Variants in CD99 observed in about 807,000 individuals in gnomAD.
The protein encoded by CD99 is CD99 molecule (Xg blood group).
CD99 carries 19 observed loss-of-function variants against 28.4 expected under a neutral mutation model. That is an observed-to-expected ratio of 0.67 (90% CI 0.47 to 0.98). The LOEUF (loss-of-function observed/expected upper bound fraction) is 0.98. Ranked by LOEUF, CD99 falls within the 50% of genes least tolerant of loss-of-function variation. The pLI, the probability that CD99 is intolerant of heterozygous loss-of-function variation, is 0.00. For synonymous variants in CD99, 103 were observed against 92.1 expected, an observed-to-expected ratio of 1.12 and a Z score of -0.67; for missense variants, 283 against 248.8, an observed-to-expected ratio of 1.14 and a Z score of -0.92.
intron 5 of CD99, among the ~76,000 whole-genome samples, chrX:2,722,337 T>A (rs774255473): frequency 6.6e-6 from 1 of 152,324 alleles, no homozygotes; most frequent in South Asian, 2.1e-4. Context: ...TGTTTTGTTT[T>A]GAGACTGAGT....
At chrX:2,712,634 G>A (rs2048465002) in intron 1 of CD99, among the ~76,000 whole-genome samples, 1 of 152,046 alleles carries the variant, frequency 6.6e-6, no homozygotes, top group Non-Finnish European at 1.5e-5. Context: ...GTCCTGTTGT[G>A]GAAACAGCCA....
At chrX:2,738,296 G>T in intron 9 of CD99, 40 bp downstream of exon 9, 1 of 1,594,286 alleles carries the variant, frequency 6.3e-7, no homozygotes, top group Non-Finnish European at 8.6e-7. Context: ...CACGTGGCCA[G>T]TGTTCCCATT....
intron 3 of CD99, among the ~76,000 whole-genome samples, chrX:2,718,745 C>G (rs1363984258): frequency 2.0e-5 from 3 of 152,130 alleles, no homozygotes; most frequent in African/African-American, 7.2e-5. Context: ...ACCCCACTGG[C>G]GGATAAACAG....
Position 2,716,591 on chromosome X carries a change from G to A in CD99, c.101-1014G>A, listed in dbSNP as rs763725352. 2.0e-4 allele frequency among the ~76,000 whole-genome samples: 31 copies of A among 152,022 alleles called. 1 individual carries two copies. Among genetic ancestry groups the A allele is most frequent in the Admixed American group, 2.0e-3 (30 of 15,270 alleles). On this transcript the variant is annotated intron_variant, in intron 2 of 9. Coordinates refer to ENST00000381192, the MANE Select transcript of CD99 (RefSeq NM_002414.5). ...ACTACAGCCTTGACCATGTGGGTTC[G>A]AGCAATCCTCCCACCTCAGCCTCCC...
Position 2,720,433 on chromosome X carries a change from C to CA in CD99, c.262+9_262+10insA. Reference sequence around the variant, plus strand: ...CCACCCTAGTTCCTCCGGTAAGAGTCTCTGACCCTGTGGGATGTCTTCATG... The same window carrying CA: ...CCACCCTAGTTCCTCCGGTAAGAGTCATCTGACCCTGTGGGATGTCTTCATG... On this transcript the variant is annotated intron_variant, in intron 5 of 9. Coordinates refer to ENST00000381192, the MANE Select transcript of CD99 (RefSeq NM_002414.5). The CA allele has an allele frequency of 6.2e-7, 1 of 1,612,800 alleles. No individual in the cohort carries two copies. Among genetic ancestry groups the CA allele is most frequent in the Non-Finnish European group, 8.5e-7 (1 of 1,178,884 alleles).
chrX:2,739,920 T>TA (rs760923352), intron 9 of CD99, among the ~76,000 whole-genome samples: 23,134 of 110,076 alleles, frequency 0.21, 2,761 homozygotes, highest in African/African-American at 0.37. Flanking sequence ...TACTAAAAAT[T>TA]AAAAAAAAAA....
chrX:2,719,529 C>G, intron 3 of CD99, 132 bp from the exon 4 acceptor site: 1 of 754,036 alleles, frequency 1.3e-6, no homozygotes, highest in Admixed American at 2.1e-5. Flanking sequence ...CTAATGAGAT[C>G]CTGGTCAAGC....
At chrX:2,693,145 T>TGGC (rs1463458519) in intron 1 of CD99, among the ~76,000 whole-genome samples, 1 of 146,976 alleles carries the variant, frequency 6.8e-6, no homozygotes, top group African/African-American at 2.6e-5. Flanking sequence ...TTGTTGGTGG[T>TGGC]GGTGGTTTTT....
At chrX:2,734,705 T>A (rs1412557839) in intron 8 of CD99, among the ~76,000 whole-genome samples, 3 of 149,908 alleles carry the variant, frequency 2.0e-5, no homozygotes, top group Non-Finnish European at 4.4e-5. Flanking sequence ...CTTATTTTTC[T>A]TTTTTTTACT....
rs2049269104 is a variant in CD99 at position 2,726,157 on chromosome X, T to A, written c.362-103T>A. ...TCAGGCGTCTGAGATGTTCTGAGGA[T>A]CTTGGTGCTCTCAGACTGACTGTCT... On this transcript the variant is annotated intron_variant, in intron 7 of 9. Coordinates refer to ENST00000381192, the MANE Select transcript of CD99 (RefSeq NM_002414.5). 8.7e-6 allele frequency: 6 copies of A among 692,742 alleles called. No individual in the cohort carries two copies. The East Asian group carries it at 1.5e-4, about 18-fold the overall frequency. The allele number at this position is 692,742 out of a possible 1,614,324, so 42.9% of individuals were successfully genotyped here.
chrX:2,712,739 T>C (rs1192461363), intron 1 of CD99, among the ~76,000 whole-genome samples: 2 of 152,084 alleles, frequency 1.3e-5, no homozygotes, highest in East Asian at 1.9e-4. Flanking sequence ...TTTCTACTTA[T>C]TGTTGACACA....
At chrX:2,715,226 C>G (rs1405528333) in intron 2 of CD99, 1 of 152,166 alleles carries the variant, frequency 6.6e-6, no homozygotes, top group Non-Finnish European at 1.5e-5. Context: ...GCTTCTGGGT[C>G]TTGTCATCCC....
chrX:2,731,314 G>A (rs1342465558), intron 8 of CD99, among the ~76,000 whole-genome samples: 4 of 152,210 alleles, frequency 2.6e-5, no homozygotes, highest in African/African-American at 9.6e-5. Context: ...CATGGGCCAG[G>A]CGCGGTGGCT....
In CD99 at chrX:2,717,508, C is replaced by T. The variant is rs549050931; in HGVS notation, c.101-97C>T. The T allele has an allele frequency of 3.2e-5, 31 of 982,028 alleles. 2 individuals carry two copies. The African/African-American group carries it at 4.8e-4, about 15-fold the overall frequency. The allele number at this position is 982,028 out of a possible 1,614,324, so 60.8% of individuals were successfully genotyped here. Reference sequence around the variant, plus strand: ...AAACAATGCTAAAAACATTCTCCGACTGTTTCCAAGAAAATGAAACATCCT... The same window carrying T: ...AAACAATGCTAAAAACATTCTCCGATTGTTTCCAAGAAAATGAAACATCCT... On this transcript the variant is annotated intron_variant, in intron 2 of 9. Coordinates refer to ENST00000381192, the MANE Select transcript of CD99 (RefSeq NM_002414.5).
In CD99 at chrX:2,740,714, G is replaced by C. The variant is rs189727822; in HGVS notation, c.533-65G>C. 68 of 1,551,502 alleles carry C rather than the reference G, an allele frequency of 4.4e-5. 1 individual carries two copies. In the South Asian group the frequency reaches 5.7e-4, roughly 13 times the overall value. On this transcript the variant is annotated intron_variant, in intron 9 of 9. Transcript: ENST00000381192. ...AACCACTGGCTCCTGAAAGTTGTAG[G>C]AACTGTGTCCACGTGAGTGCTCAGG...
At chrX:2,730,929 CAAAAAA>C (rs4034603) in intron 8 of CD99, among the ~76,000 whole-genome samples, 4 of 106,204 alleles carry the variant, frequency 3.8e-5, no homozygotes, top group Non-Finnish European at 3.8e-5. Context: ...GACTCTGTCT[CAAAAAA>C]AAAAAAAAAA....
intron 1 of CD99, among the ~76,000 whole-genome samples, chrX:2,713,208 A>G (rs755359721): frequency 6.6e-6 from 1 of 151,944 alleles, no homozygotes; most frequent in South Asian, 2.1e-4. Flanking sequence ...CAGAACCCAC[A>G]CATACATGCA....
At chrX:2,719,564 A>T (rs1317146798) in intron 3 of CD99, 97 bp from the exon 4 acceptor site, 22 of 943,814 alleles carry the variant, frequency 2.3e-5, no homozygotes, top group Non-Finnish European at 3.3e-5. Context: ...GTATTTAGGA[A>T]TGTGGGGCCG....
intron 1 of CD99, among the ~76,000 whole-genome samples, chrX:2,706,883 C>CGAT (rs2048145102): frequency 6.6e-6 from 1 of 151,758 alleles, no homozygotes; most frequent in African/African-American, 2.4e-5. Context: ...TGCAGTGGTG[C>CGAT]GATCTCGGCT....
Sources: gnomAD v4.1 joint callset for allele counts (sites outside exome capture counted in the v4.1 genomes callset) on GRCh38, gnomAD v4.1.1 for gene constraint, MANE v1.5 for transcripts, NCBI Gene and HGNC (gene_info 2026-07-23, HGNC 2026-07-21) for gene names.